Variants in GBX1 observed in about 807,000 individuals in gnomAD.
GBX1 encodes gastrulation brain homeobox 1.
Under a neutral mutation model 22.9 loss-of-function variants are expected in GBX1, and 9 were observed. The observed-to-expected ratio is 0.39, with a 90% confidence interval of 0.24 to 0.69. The LOEUF (loss-of-function observed/expected upper bound fraction) is 0.69, where lower values mean the gene tolerates loss of function less well. Among genes scored for constraint, GBX1 ranks in the 30% least tolerant of loss-of-function variants. The pLI is 0.43. For synonymous variants in GBX1, 203 were observed against 227.3 expected (o/e 0.89, Z 0.96); for missense variants, 494 against 509.2 (o/e 0.97, Z 0.29).
intron 1 of GBX1, among the ~76,000 whole-genome samples, chr7:151,154,842 A>G (rs1253506222): frequency 1.3e-5 from 2 of 152,176 alleles, no homozygotes; most frequent in African/African-American, 2.4e-5. Context: ...GGAAGAAATC[A>G]AGGGCCAAAG....
intron 1 of GBX1, among the ~76,000 whole-genome samples, chr7:151,158,506 G>C (rs919045119): frequency 4.6e-5 from 7 of 151,564 alleles, no homozygotes; most frequent in African/African-American, 1.7e-4. Context: ...GCCCTAGTGA[G>C]GCACAGTAAA....
At position 151,148,722 on chromosome 7, in the gene GBX1, T is replaced by C; in HGVS notation, c.959A>G (p.Lys320Arg). 1 of 1,614,224 alleles carries C rather than the reference T, an allele frequency of 6.2e-7. No individual in the cohort carries two copies. The highest frequency in any genetic ancestry group is 8.5e-7 in the Non-Finnish European group (1 of 1,180,032). Reference sequence around the variant, plus strand: ...AGAACGGCTGCTCACATTGCCAGCTTTGATGCGCTTCCACTTGGCCCGTCG... The same window carrying C: ...AGAACGGCTGCTCACATTGCCAGCTCTGATGCGCTTCCACTTGGCCCGTCG... ...QNRRAKWKRI[K>R]AGNVSSRSGE... The change falls in exon 2 of 2, where the codon AAA (lysine) becomes AGA (arginine). Residue 320 changes from lysine (K) to arginine (R), a missense_variant. Physicochemically the swap from Lys to Arg is conservative, Grantham distance 26 (BLOSUM62 2). This residue lies in a region of GBX1 where 124 missense variants were observed against 152.0 expected (regional missense o/e 0.82). Transcript: ENST00000297537. This position sits in a 1 kb window ranked among gnomAD's most constrained non-coding sequence, Gnocchi z 5.1.
In GBX1 at chr7:151,148,552, A is replaced by C. The variant is rs1801039412; in HGVS notation, c.*37T>G. 4 of 1,585,064 alleles carry C rather than the reference A, an allele frequency of 2.5e-6. No homozygotes were observed. The highest frequency in any genetic ancestry group is 3.4e-6 in the Non-Finnish European group (4 of 1,160,166). ...TGACAGTCTCAGAGCAGGCTCAGGTACAGATCCCTCGCCTTCCTAAGTTCT... is the reference window on the plus strand; with the variant it reads ...TGACAGTCTCAGAGCAGGCTCAGGTCCAGATCCCTCGCCTTCCTAAGTTCT... On this transcript the variant is annotated 3_prime_UTR_variant, in exon 2 of 2. Coordinates refer to ENST00000297537, the MANE Select transcript of GBX1 (RefSeq NM_001098834.3). The surrounding 1 kb of genome is among the most constrained non-coding windows in gnomAD (Gnocchi z 5.1).
In GBX1 at chr7:151,148,921, C is replaced by T. The variant is rs747134618; in HGVS notation, c.760G>A (p.Val254Ile). 3.7e-6 allele frequency: 6 copies of T among 1,614,186 alleles called. No homozygotes were observed. In the Admixed American group the frequency reaches 1.0e-4, roughly 27 times the overall value. Residue 254 changes from valine (V) to isoleucine (I), a missense_variant, in exon 2 of 2, where the codon GTC (valine) becomes ATC (isoleucine). This residue lies in a region of GBX1 where 124 missense variants were observed against 152.0 expected (regional missense o/e 0.82). Coordinates refer to ENST00000297537, the MANE Select transcript of GBX1 (RefSeq NM_001098834.3). The surrounding 1 kb of genome is among the most constrained non-coding windows in gnomAD (Gnocchi z 5.1). ...CGGCTTTTCCCCCCAGGAGCTGTGA[C>T]CCCTGCTGTCACCGGTGCCCCCTCC... ...AEEGAPVTAG[V>I]TAPGGKSRRR...
chr7:151,149,765 C>T (rs1166086322), intron 1 of GBX1: 3 of 368,572 alleles, frequency 8.1e-6, no homozygotes, highest in Non-Finnish European at 1.6e-5. Context: ...TCCTCTCCCT[C>T]TTCCCTAGAT....
In GBX1 at chr7:151,166,071, A is replaced by T. The variant is rs1052448440; in HGVS notation, c.538+940T>A. Among the ~76,000 whole-genome samples the T allele has an allele frequency of 2.6e-5, 4 of 152,184 alleles. No homozygotes were observed. The East Asian group carries it at 7.7e-4, about 29-fold the overall frequency. On this transcript the variant is annotated intron_variant, in intron 1 of 1. Coordinates refer to ENST00000297537, the MANE Select transcript of GBX1 (RefSeq NM_001098834.3). ...TCTTAAATAGGGCCCAGCAAATTGT[A>T]TAAGCTTTGGAACTCAGAACACCTG...
chr7:151,148,871 G>T lies in GBX1; in HGVS notation c.810C>A (p.Ser270Arg). 4 of 1,614,146 alleles carry T rather than the reference G, an allele frequency of 2.5e-6. No homozygotes were observed. The highest frequency in any genetic ancestry group is 1.3e-5 in the African/African-American group (1 of 75,024). ...CCTTCTCCAATTCCAAAAGCTGCTC[G>T]CTGGTAAATGCTGTGCGGCGCCGTC... is the stretch of plus-strand genomic sequence containing the variant. ...KSRRRRTAFT[S>R]EQLLELEKEF... The change falls in exon 2 of 2, where the codon AGC (serine) becomes AGA (arginine). Residue 270 changes from serine (S) to arginine (R), a missense_variant. Ser to Arg is a moderately radical substitution (Grantham distance 110). Coordinates refer to ENST00000297537, the MANE Select transcript of GBX1 (RefSeq NM_001098834.3). The surrounding 1 kb of genome is among the most constrained non-coding windows in gnomAD (Gnocchi z 5.1).
chr7:151,158,463 G>A (rs529696823), intron 1 of GBX1, among the ~76,000 whole-genome samples: 1 of 143,838 alleles, frequency 7.0e-6, no homozygotes, highest in Non-Finnish European at 1.5e-5. Flanking sequence ...TTTTGTTTTT[G>A]TTTTTTTTTT....
intron 1 of GBX1, chr7:151,150,128 T>G (rs1162094437): frequency 6.3e-6 from 2 of 319,848 alleles, no homozygotes; most frequent in South Asian, 2.4e-5. Flanking sequence ...GAATACTGAT[T>G]ATTTGTAATC....
At chr7:151,149,229 TGGG>T in intron 1 of GBX1, 87 bp from the exon 2 acceptor site, 1 of 1,297,638 alleles carries the variant, frequency 7.7e-7, no homozygotes, top group Admixed American at 2.2e-5. Context: ...TGGCCAGAAA[TGGG>T]GGGTTGGGAG....
rs557077359 is a variant in GBX1 at position 151,156,856 on chromosome 7, G to A, written c.539-7714C>T. On this transcript the variant is annotated intron_variant, in intron 1 of 1. Transcript: ENST00000297537. ...AAAAATTAGCCAGGCATGGCGGTGC[G>A]CGCCTGTAATTCCAGCTACTCAGGA... 7.3e-5 allele frequency among the ~76,000 whole-genome samples: 11 copies of A among 151,634 alleles called. No individual in the cohort carries two copies. In the East Asian group the frequency reaches 9.7e-4, roughly 13 times the overall value.
chr7:151,153,351 A>C (rs919735294), intron 1 of GBX1, among the ~76,000 whole-genome samples: 1 of 152,260 alleles, frequency 6.6e-6, no homozygotes, highest in African/African-American at 2.4e-5. Flanking sequence ...CCAAAGACAC[A>C]GGCAGAGAAA....
chr7:151,150,146 T>C (rs1437456951), intron 1 of GBX1: 1 of 304,330 alleles, frequency 3.3e-6, no homozygotes, highest in Non-Finnish European at 6.5e-6. Context: ...ATCACAAGCA[T>C]ATAAACATTT....
Position 151,148,889 on chromosome 7 carries a change from G to A in GBX1, c.792C>T (p.Arg264=). 1.2e-6 allele frequency: 2 copies of A among 1,614,136 alleles called. No homozygotes were observed. Among genetic ancestry groups the A allele is most frequent in the Non-Finnish European group, 1.7e-6 (2 of 1,180,030 alleles). Residue 264 remains arginine, a synonymous_variant, in exon 2 of 2, where the codon CGC becomes CGT. Transcript: ENST00000297537. The surrounding 1 kb of genome is among the most constrained non-coding windows in gnomAD (Gnocchi z 5.1). ...GCTGCTCGCTGGTAAATGCTGTGCGGCGCCGTCGGCTTTTCCCCCCAGGAG... is the reference window on the plus strand; with the variant it reads ...GCTGCTCGCTGGTAAATGCTGTGCGACGCCGTCGGCTTTTCCCCCCAGGAG... ...VTAPGGKSRR[R]RTAFTSEQLL... is the part of the protein sequence containing the mutation.
chr7:151,158,115 A>G (rs1366445057), intron 1 of GBX1, among the ~76,000 whole-genome samples: 3 of 152,184 alleles, frequency 2.0e-5, no homozygotes, highest in Non-Finnish European at 4.4e-5. Flanking sequence ...TTTAGCTGAG[A>G]GCTGAGCCAC....
At chr7:151,156,747 G>A (rs1315022977) in intron 1 of GBX1, among the ~76,000 whole-genome samples, 1 of 152,046 alleles carries the variant, frequency 6.6e-6, no homozygotes, top group Middle Eastern at 3.2e-3. Flanking sequence ...CACTTTGGGA[G>A]GCTGAGGCAG....
At chr7:151,155,770 AT>A (rs1288653434) in intron 1 of GBX1, among the ~76,000 whole-genome samples, 5 of 152,104 alleles carry the variant, frequency 3.3e-5, no homozygotes, top group Non-Finnish European at 7.4e-5. Context: ...CATTTTCCAC[AT>A]TTACTATCTT....
At chr7:151,163,181 G>A (rs1801206451) in intron 1 of GBX1, among the ~76,000 whole-genome samples, 1 of 151,754 alleles carries the variant, frequency 6.6e-6, no homozygotes, top group Non-Finnish European at 1.5e-5. Flanking sequence ...CACTGTTGCT[G>A]TGATGCATAT....
chr7:151,166,981 C>T, intron 1 of GBX1, 30 bp downstream of exon 1: 2 of 1,596,696 alleles, frequency 1.3e-6, no homozygotes, highest in East Asian at 2.3e-5. Context: ...AACCGGCCTC[C>T]CGCCAGCCCT....
Sources: allele counts gnomAD v4.1 joint callset (sites outside exome capture counted in the v4.1 genomes callset), GRCh38; gene constraint gnomAD v4.1.1; regional missense constraint gnomAD v4.1.1; non-coding constraint Gnocchi (gnomAD v3.1); transcripts MANE v1.5; gene names NCBI Gene and HGNC (gene_info 2026-07-23, HGNC 2026-07-21).